Variants in MYRIP observed in about 807,000 individuals in gnomAD.
The protein encoded by MYRIP is myosin VIIA and Rab interacting protein, also known as rab effector MyRIP.
Under a neutral mutation model 98.0 loss-of-function variants are expected in MYRIP, and 49 were observed. The ratio of observed to expected loss-of-function variants is 0.50; its 90% CI spans 0.40 to 0.63. MYRIP has a LOEUF of 0.63. MYRIP is among the 30% of genes least tolerant of loss of function. The pLI is 0.00. For synonymous variants in MYRIP, 404 were observed against 409.5 expected, an observed-to-expected ratio of 0.99 and a Z score of 0.16; for missense variants, 1,004 against 1,058.2, an observed-to-expected ratio of 0.95 and a Z score of 0.71.
intron 2 of MYRIP, among the ~76,000 whole-genome samples, chr3:39,929,008 TTG>T (rs1944481816): frequency 6.6e-6 from 1 of 151,686 alleles, no homozygotes. Context: ...CAAAAATTCA[TTG>T]TGTGTGTGTT....
At chr3:40,182,947 C>A (rs1459796610) in intron 9 of MYRIP, among the ~76,000 whole-genome samples, 1 of 152,184 alleles carries the variant, frequency 6.6e-6, no homozygotes, top group Non-Finnish European at 1.5e-5. Context: ...CATCACACAA[C>A]AGTGCAGTAC....
chr3:40,235,020 C>T (rs1952789653), intron 12 of MYRIP, among the ~76,000 whole-genome samples: 2 of 147,502 alleles, frequency 1.4e-5, no homozygotes, highest in Non-Finnish European at 3.0e-5. Flanking sequence ...AAGATACCAA[C>T]ACAATCATAT....
chr3:40,229,241 T>C (rs1393968480), intron 11 of MYRIP, among the ~76,000 whole-genome samples: 1 of 152,208 alleles, frequency 6.6e-6, no homozygotes, highest in Non-Finnish European at 1.5e-5. Context: ...AATTTGTTTA[T>C]AGCAACACAT....
intron 3 of MYRIP, among the ~76,000 whole-genome samples, chr3:40,088,985 C>T (rs1189878353): frequency 6.6e-6 from 1 of 150,696 alleles, no homozygotes; most frequent in East Asian, 2.0e-4. Context: ...GAGATCTAGG[C>T]ATGCAGAGGG....
In MYRIP at chr3:39,889,821, C is replaced by T. The variant is rs78079248; in HGVS notation, c.-30-10966C>T. Among the ~76,000 whole-genome samples the T allele has an allele frequency of 1.9e-3, 296 of 152,150 alleles. 9 individuals carry two copies. The East Asian group carries it at 0.034, about 17-fold the overall frequency. The stretch of plus-strand genomic sequence containing the variant: ...TTGTGTCATATTGAGAAAGGCATTT[C>T]CTACTCTGAAATTATAAAAGAATCA... On this transcript the variant is annotated intron_variant, in intron 1 of 16. Coordinates refer to ENST00000302541, the MANE Select transcript of MYRIP (RefSeq NM_015460.4).
intron 4 of MYRIP, among the ~76,000 whole-genome samples, chr3:40,152,461 A>C (rs1394529686): frequency 6.6e-6 from 1 of 152,160 alleles, no homozygotes; most frequent in Non-Finnish European, 1.5e-5. Flanking sequence ...CAGAATTTTT[A>C]TTTCTTTCCC....
chr3:39,917,243 G>T (rs545789770), intron 2 of MYRIP, among the ~76,000 whole-genome samples: 44 of 151,796 alleles, frequency 2.9e-4, no homozygotes, highest in African/African-American at 1.0e-3. Flanking sequence ...CAGCCACTTA[G>T]TCTGACTTAT....
chr3:40,250,194 G>A, intron 13 of MYRIP, 28 bp from the exon 14 acceptor site: 2 of 1,548,120 alleles, frequency 1.3e-6, no homozygotes, highest in Non-Finnish European at 8.9e-7. Context: ...TTTTCTCCCT[G>A]CCAATCTTGT....
At chr3:39,920,115 T>A (rs955960981) in intron 2 of MYRIP, among the ~76,000 whole-genome samples, 1 of 151,884 alleles carries the variant, frequency 6.6e-6, no homozygotes, top group East Asian at 1.9e-4. Context: ...GAAAAAAAAA[T>A]AAAAAATAAA....
At chr3:40,087,280 C>T (rs1948649472) in intron 3 of MYRIP, among the ~76,000 whole-genome samples, 1 of 152,128 alleles carries the variant, frequency 6.6e-6, no homozygotes, top group South Asian at 2.1e-4. Context: ...GTCCCAGCCT[C>T]ACAGTGCTGT....
chr3:40,035,839 C>A (rs1444404601), intron 2 of MYRIP, among the ~76,000 whole-genome samples: 1 of 151,744 alleles, frequency 6.6e-6, no homozygotes, highest in Admixed American at 6.6e-5. Flanking sequence ...TAAGTGGAAA[C>A]AAATCATTAG....
intron 2 of MYRIP, among the ~76,000 whole-genome samples, chr3:40,009,504 A>G (rs1946709272): frequency 6.6e-6 from 1 of 152,084 alleles, no homozygotes; most frequent in African/African-American, 2.4e-5. Context: ...GGCCTCCCAA[A>G]GTGCTGGGAT....
chr3:40,227,708 G>C (rs1952529000), intron 11 of MYRIP, among the ~76,000 whole-genome samples: 2 of 152,294 alleles, frequency 1.3e-5, no homozygotes, highest in South Asian at 4.1e-4. Flanking sequence ...ATGAGAGGCA[G>C]CTAAACCACC....
chr3:40,244,416 A>G (rs554767620), intron 12 of MYRIP, 30 bp from the exon 13 acceptor site: 11 of 1,581,204 alleles, frequency 7.0e-6, no homozygotes, highest in Non-Finnish European at 9.5e-6. Context: ...GTCTGCAGAC[A>G]TGAACTCAAA....
At chr3:39,921,902 A>AAAAT (rs386396416) in intron 2 of MYRIP, among the ~76,000 whole-genome samples, 6 of 151,714 alleles carry the variant, frequency 4.0e-5, no homozygotes, top group African/African-American at 1.4e-4. Flanking sequence ...AAAAAAAAAA[A>AAAAT]AGTGTTGACG....
chr3:39,966,502 G>T (rs1193254566), intron 2 of MYRIP, among the ~76,000 whole-genome samples: 2 of 152,194 alleles, frequency 1.3e-5, no homozygotes, highest in Non-Finnish European at 2.9e-5. Flanking sequence ...GCAGGAAATA[G>T]TACACCCAAA....
chr3:39,895,103 A>G (rs1360009023), intron 1 of MYRIP, among the ~76,000 whole-genome samples: 2 of 151,612 alleles, frequency 1.3e-5, no homozygotes, highest in African/African-American at 4.8e-5. Flanking sequence ...AGACAGTTCT[A>G]TATTTTTCTT....
intron 1 of MYRIP, among the ~76,000 whole-genome samples, chr3:39,878,500 C>T (rs1278130526): frequency 6.6e-6 from 1 of 151,948 alleles, no homozygotes; most frequent in Admixed American, 6.6e-5. Context: ...TCTGATTTTT[C>T]AACAGTATGC....
At chr3:39,815,210 C>T (rs1940859657) in intron 1 of MYRIP, among the ~76,000 whole-genome samples, 1 of 152,150 alleles carries the variant, frequency 6.6e-6, no homozygotes, top group African/African-American at 2.4e-5. Flanking sequence ...CCCTAGGCAA[C>T]CTTACCAATC....
Sources: allele counts gnomAD v4.1 joint callset (sites outside exome capture counted in the v4.1 genomes callset), GRCh38; gene constraint gnomAD v4.1.1; transcripts MANE v1.5; gene names NCBI Gene and HGNC (gene_info 2026-07-23, HGNC 2026-07-21).